The following SMG6 variants were observed in gnomAD, a reference collection of about 807,000 sequenced individuals.
The protein encoded by SMG6 is SMG6 nonsense mediated mRNA decay factor, also known as telomerase-binding protein EST1A.
In SMG6, 66 loss-of-function variants were observed where a neutral mutation model predicts 142.2. The ratio of observed to expected loss-of-function variants is 0.46; its 90% CI spans 0.38 to 0.57. The LOEUF (loss-of-function observed/expected upper bound fraction) is 0.57, where lower values mean the gene tolerates loss of function less well. Among genes scored for constraint, SMG6 ranks in the 20% least tolerant of loss-of-function variants. The pLI is 0.00. For synonymous variants in SMG6, 779 were observed against 702.4 expected, an observed-to-expected ratio of 1.11 and a Z score of -1.72; for missense variants, 1,793 against 1,832.0, an observed-to-expected ratio of 0.98 and a Z score of 0.39.
In SMG6 at chr17:2,303,614, G is replaced by C; in HGVS notation, c.88+19C>G. 1 of 1,439,316 alleles carries C rather than the reference G, an allele frequency of 6.9e-7. No individual in the cohort carries two copies. The highest frequency in any genetic ancestry group is 9.1e-7 in the Non-Finnish European group (1 of 1,100,620). The allele number at this position is 1,439,316 out of a possible 1,614,324, so 89.2% of individuals were successfully genotyped here. On this transcript the variant is annotated intron_variant, in intron 1 of 18. Transcript: ENST00000263073. ...CGGGGCGGGCAGGCCCGGCCCAGGAGCTGGGCGGCGCGACTCACCTCTGCT... is the reference window on the plus strand; with the variant it reads ...CGGGGCGGGCAGGCCCGGCCCAGGACCTGGGCGGCGCGACTCACCTCTGCT...
At position 2,081,900 on chromosome 17, in the gene SMG6, T is replaced by G. The variant is rs928540142; in HGVS notation, c.3591A>C (p.Gly1197=). ...GAAGCTCCCTGATGTCATCCTCGCC[T>G]CCGCTGCCTTCAGCCTCTGAATCTT... ...FEEDSEAEGS[G]GEDDIRELRA... is the part of the protein sequence containing the mutation. Residue 1197 remains glycine, a synonymous_variant, in exon 15 of 19, where the codon GGA becomes GGC. Transcript: ENST00000263073. 1 of 1,614,070 alleles carries G rather than the reference T, an allele frequency of 6.2e-7. No individual in the cohort carries two copies. Among genetic ancestry groups the G allele is most frequent in the African/African-American group, 1.3e-5 (1 of 74,932 alleles).
At chr17:2,237,587 A>C in intron 9 of SMG6, 1 of 985,228 alleles carries the variant, frequency 1.0e-6, no homozygotes, top group Non-Finnish European at 1.2e-6. Context: ...GTATGTTTTC[A>C]GGCCAGTGGA....
chr17:2,285,244 T>C (rs1240943455), intron 6 of SMG6, among the ~76,000 whole-genome samples: 4 of 152,130 alleles, frequency 2.6e-5, no homozygotes, highest in South Asian at 2.1e-4. Context: ...TCTCAATAAA[T>C]ACCTGAGATT....
chr17:2,118,337 G>C (rs1400231960), intron 13 of SMG6, among the ~76,000 whole-genome samples: 2 of 152,128 alleles, frequency 1.3e-5, no homozygotes, highest in African/African-American at 4.8e-5. Context: ...CAGGAGTTAA[G>C]AGACCAGCCT....
At chr17:2,064,960 T>C in intron 18 of SMG6, 113 bp downstream of exon 18, 1 of 820,356 alleles carries the variant, frequency 1.2e-6, no homozygotes. Flanking sequence ...TGAGCACTGA[T>C]TCCTTAGACT....
At chr17:2,122,843 T>G (rs2069746399) in intron 13 of SMG6, among the ~76,000 whole-genome samples, 1 of 152,184 alleles carries the variant, frequency 6.6e-6, no homozygotes. Flanking sequence ...AGCCTTATTC[T>G]CATCTTAGGC....
intron 13 of SMG6, among the ~76,000 whole-genome samples, chr17:2,153,124 C>T (rs574742626): frequency 2.6e-5 from 4 of 152,304 alleles, no homozygotes; most frequent in South Asian, 4.1e-4. Flanking sequence ...CGCAGCCCAA[C>T]GCAAATTTAT....
chr17:2,265,945 G>C (rs972332939), intron 8 of SMG6: 11 of 967,096 alleles, frequency 1.1e-5, no homozygotes, highest in Non-Finnish European at 1.4e-5. Context: ...AAGAACTGGT[G>C]CATGTGTTGG....
At chr17:2,194,367 G>A (rs534263912) in intron 10 of SMG6, among the ~76,000 whole-genome samples, 30 of 152,240 alleles carry the variant, frequency 2.0e-4, no homozygotes, top group Non-Finnish European at 4.1e-4. Context: ...TAGGGTAGCT[G>A]GAAAAAGGTA....
chr17:2,236,958 G>T (rs1221807249), intron 9 of SMG6: 2 of 536,466 alleles, frequency 3.7e-6, no homozygotes, highest in Non-Finnish European at 4.9e-6. Flanking sequence ...TAATATCAAA[G>T]TTTCTCTCTG....
intron 15 of SMG6, among the ~76,000 whole-genome samples, chr17:2,070,157 T>A (rs1191468702): frequency 6.6e-6 from 1 of 152,188 alleles, no homozygotes; most frequent in South Asian, 2.1e-4. Flanking sequence ...TCCCGAGAGA[T>A]GCACATTTGC....
At chr17:2,165,337 C>T (rs1203078428) in intron 13 of SMG6, among the ~76,000 whole-genome samples, 1 of 152,118 alleles carries the variant, frequency 6.6e-6, no homozygotes, top group African/African-American at 2.4e-5. Context: ...ACAGCAGCTC[C>T]ACTGTATACA....
At chr17:2,128,849 G>A (rs2070001659) in intron 13 of SMG6, among the ~76,000 whole-genome samples, 2 of 145,744 alleles carry the variant, frequency 1.4e-5, no homozygotes, top group Admixed American at 6.8e-5. Context: ...GAGAGAGAAA[G>A]AAAGAAAGAA....
rs574368664 is a variant in SMG6 at position 2,217,903 on chromosome 17, G to A, written c.2869+18589C>T. 3.9e-5 allele frequency among the ~76,000 whole-genome samples: 6 copies of A among 152,074 alleles called. No individual in the cohort carries two copies. In the East Asian group the frequency reaches 7.8e-4, roughly 20 times the overall value. On this transcript the variant is annotated intron_variant, in intron 10 of 18. Coordinates refer to ENST00000263073, the MANE Select transcript of SMG6 (RefSeq NM_017575.5). ...CGCACACCTGTAGTCCCAGCTACTCGGGAGGGCGAGACAGGAGAATCGCTT... is the reference window on the plus strand; with the variant it reads ...CGCACACCTGTAGTCCCAGCTACTCAGGAGGGCGAGACAGGAGAATCGCTT...
rs1056912035 is a variant in SMG6 at position 2,227,672 on chromosome 17, T to G, written c.2869+8820A>C. Reference sequence around the variant, plus strand: ...ATTGTGATGGTTAGTAACTTGGGCATGTAAATTTGTCAAACTGACTGAAGT... The same window carrying G: ...ATTGTGATGGTTAGTAACTTGGGCAGGTAAATTTGTCAAACTGACTGAAGT... On this transcript the variant is annotated intron_variant, in intron 10 of 18. Coordinates refer to ENST00000263073, the MANE Select transcript of SMG6 (RefSeq NM_017575.5). 2.0e-5 allele frequency among the ~76,000 whole-genome samples: 3 copies of G among 152,240 alleles called. No homozygotes were observed. In the South Asian group the frequency reaches 6.2e-4, roughly 31 times the overall value.
intron 13 of SMG6, among the ~76,000 whole-genome samples, chr17:2,097,336 A>G (rs1285584575): frequency 2.0e-5 from 3 of 151,934 alleles, no homozygotes; most frequent in Non-Finnish European, 2.9e-5. Flanking sequence ...GGGTTTCACC[A>G]TGTTGGCATG....
Position 2,299,718 on chromosome 17 carries a change from T to C in SMG6, c.1035A>G (p.Glu345=), listed in dbSNP as rs375566836. 3.2e-5 allele frequency: 51 copies of C among 1,614,210 alleles called. No homozygotes were observed. Among genetic ancestry groups the C allele is most frequent in the Middle Eastern group, 1.6e-4 (1 of 6,062 alleles). ...GEGEQKNSAK[E]YRGTLRVTFD... The stretch of plus-strand genomic sequence containing the variant: ...AAGTGACACGAAGAGTGCCTCGATA[T>C]TCTTTAGCACTGTTTTTCTGCTCAC... The change falls in exon 2 of 19, where the codon GAA becomes GAG. Residue 345 remains glutamate (E), a synonymous_variant. Transcript: ENST00000263073. This position sits in a 1 kb window ranked among gnomAD's most constrained non-coding sequence, Gnocchi z 4.3.
intron 13 of SMG6, among the ~76,000 whole-genome samples, chr17:2,152,000 G>A (rs1264712745): frequency 6.6e-6 from 1 of 152,070 alleles, no homozygotes; most frequent in Non-Finnish European, 1.5e-5. Flanking sequence ...TTAGAATTGG[G>A]AATGATTACT....
chr17:2,202,052 C>T (rs2072544350), intron 10 of SMG6, among the ~76,000 whole-genome samples: 1 of 151,920 alleles, frequency 6.6e-6, no homozygotes, highest in Admixed American at 6.6e-5. Flanking sequence ...AAGTACCAAA[C>T]GACCCAGCTA....
Sources: gnomAD v4.1 joint callset for allele counts (sites outside exome capture counted in the v4.1 genomes callset) on GRCh38, gnomAD v4.1.1 for gene constraint, Gnocchi (gnomAD v3.1) non-coding constraint, MANE v1.5 for transcripts, NCBI Gene and HGNC (gene_info 2026-07-23, HGNC 2026-07-21) for gene names.